MSR1: variants seen among roughly 807,000 people sequenced by gnomAD.
MSR1 encodes macrophage scavenger receptor types I and II.
Under a neutral mutation model 47.2 loss-of-function variants are expected in MSR1, and 53 were observed. The observed-to-expected ratio is 1.12, with a 90% CI of 0.90 to 1.41. The LOEUF (loss-of-function observed/expected upper bound fraction) is 1.41, where lower values mean the gene tolerates loss of function less well. MSR1 is among the 40% of genes most tolerant of loss of function. MSR1 has a pLI of 0.00. For missense variants in MSR1, 786 were observed against 546.9 expected, an observed-to-expected ratio of 1.44 and a Z score of -4.36; for synonymous variants, 239 against 185.6, an observed-to-expected ratio of 1.29 and a Z score of -2.34.
At chr8:16,154,874 G>A (rs1431856321) in intron 6 of MSR1, among the ~76,000 whole-genome samples, 190 bp downstream of exon 6, 1 of 151,488 alleles carries the variant, frequency 6.6e-6, no homozygotes. Flanking sequence ...TATGTGATTA[G>A]GCTACTAGAA....
chr8:16,178,822 T>C (rs977912951), intron 1 of MSR1, among the ~76,000 whole-genome samples: 3 of 152,124 alleles, frequency 2.0e-5, no homozygotes, highest in South Asian at 2.1e-4. Context: ...TGGTATCTCA[T>C]TGTGGTTTGG....
chr8:16,144,311 C>T (rs1004279946), intron 7 of MSR1, among the ~76,000 whole-genome samples: 3 of 151,914 alleles, frequency 2.0e-5, no homozygotes, highest in Non-Finnish European at 4.4e-5. Context: ...TCTTTAGTAC[C>T]AAGAAATCTC....
At chr8:16,166,199 C>G (rs1247073793) in intron 4 of MSR1, among the ~76,000 whole-genome samples, 1 of 132,696 alleles carries the variant, frequency 7.5e-6, no homozygotes, top group African/African-American at 2.9e-5. Context: ...GAGACGGAGT[C>G]TCGCACTGTC....
intron 1 of MSR1, among the ~76,000 whole-genome samples, chr8:16,191,237 A>C (rs1802191497): frequency 1.3e-5 from 2 of 152,214 alleles, no homozygotes; most frequent in South Asian, 4.1e-4. Flanking sequence ...GGAAATATTT[A>C]TATTGTGCCT....
At chr8:16,122,998 C>A (rs1023286993) in intron 8 of MSR1, among the ~76,000 whole-genome samples, 7 of 151,932 alleles carry the variant, frequency 4.6e-5, no homozygotes, top group African/African-American at 1.4e-4. Flanking sequence ...GTGCCTGCCA[C>A]CACGCCCAGC....
intron 1 of MSR1, among the ~76,000 whole-genome samples, chr8:16,190,998 G>A (rs1357147151): frequency 1.3e-5 from 2 of 152,186 alleles, no homozygotes; most frequent in Non-Finnish European, 2.9e-5. Context: ...TGGGATTACA[G>A]GCGTGAGCCA....
chr8:16,120,391 A>C, intron 9 of MSR1, 27 bp downstream of exon 9: 2 of 1,611,764 alleles, frequency 1.2e-6, no homozygotes, highest in Non-Finnish European at 1.7e-6. Flanking sequence ...AACAACAACA[A>C]ACCTCACAAG....
At chr8:16,150,565 G>C (rs1800827624) in intron 6 of MSR1, among the ~76,000 whole-genome samples, 1 of 151,900 alleles carries the variant, frequency 6.6e-6, no homozygotes, top group Admixed American at 6.6e-5. Context: ...AGCACATTAG[G>C]AAAAATAGAT....
rs34762530 is a variant in MSR1 at position 16,155,484 on chromosome 8, T to C, written c.818-340A>G. On this transcript the variant is annotated intron_variant, in intron 5 of 9. Coordinates refer to ENST00000262101, the MANE Select transcript of MSR1 (RefSeq NM_138715.3). ...TAGTGTTGTACGCATCCTAGGCAGT[T>C]AGACATAGAGTTAGATATAATACAG... Among the ~76,000 whole-genome samples, 393 of 152,128 alleles carry C rather than the reference T, an allele frequency of 2.6e-3. 1 individual carries two copies. The highest frequency in any genetic ancestry group is 9.1e-3 in the African/African-American group (377 of 41,548).
chr8:16,110,178 C>T lies in MSR1; in HGVS notation c.1263G>A (p.Gly421=), dbSNP rs979975129. The change falls in exon 10 of 10, where the codon GGG becomes GGA. Residue 421 remains glycine, a synonymous_variant. Coordinates refer to ENST00000262101, the MANE Select transcript of MSR1 (RefSeq NM_138715.3). Reference sequence around the variant, plus strand: ...TACATTCTTCAATAGATGATTCTCTCCCAAAACAAAACACTTCATTCAGCC... The same window carrying T: ...TACATTCTTCAATAGATGATTCTCTTCCAAAACAAAACACTTCATTCAGCC... ...PIWLNEVFCF[G]RESSIEECKI... is the part of the protein sequence containing the mutation. The T allele has an allele frequency of 2.5e-6, 4 of 1,613,660 alleles. No homozygotes were observed. Among genetic ancestry groups the T allele is most frequent in the African/African-American group, 2.7e-5 (2 of 75,030 alleles).
chr8:16,123,820 A>T (rs1411253972), intron 8 of MSR1, among the ~76,000 whole-genome samples: 9 of 152,172 alleles, frequency 5.9e-5, no homozygotes, highest in Non-Finnish European at 1.2e-4. Context: ...CAAGGATAAG[A>T]TTATAGTTAG....
At chr8:16,131,766 G>A (rs114039446) in intron 8 of MSR1, among the ~76,000 whole-genome samples, 2,119 of 151,682 alleles carry the variant, frequency 0.014, 65 homozygotes, top group African/African-American at 0.049. Flanking sequence ...TGTTTTTATC[G>A]GCTTTGTCAA....
In MSR1 at chr8:16,188,131, C is replaced by A. The variant is rs113006440; in HGVS notation, c.-5+4467G>T. ...GAGTTTGTGTAATCTATTAAAAGCA[C>A]GTGCTCATGAGAAGTGAAACACGTT... On this transcript the variant is annotated intron_variant, in intron 1 of 9. Transcript: ENST00000262101. Among the ~76,000 whole-genome samples the A allele has an allele frequency of 7.6e-3, 1,162 of 152,178 alleles. 15 individuals are homozygous for A. Among genetic ancestry groups the A allele is most frequent in the African/African-American group, 0.026 (1,094 of 41,508 alleles).
intron 8 of MSR1, among the ~76,000 whole-genome samples, chr8:16,127,552 G>C (rs1199204315): frequency 6.6e-6 from 1 of 152,130 alleles, no homozygotes; most frequent in Non-Finnish European, 1.5e-5. Context: ...ACAATAGCTT[G>C]TCAAGGGGAA....
intron 5 of MSR1, among the ~76,000 whole-genome samples, chr8:16,156,238 G>C (rs1464664246): frequency 6.6e-6 from 1 of 151,894 alleles, no homozygotes; most frequent in East Asian, 1.9e-4. Context: ...TGCTAGTTTG[G>C]ACACATACAT....
chr8:16,117,788 T>C (rs546040467), intron 9 of MSR1, among the ~76,000 whole-genome samples: 1 of 152,208 alleles, frequency 6.6e-6, no homozygotes, highest in South Asian at 2.1e-4. Context: ...ACCGTCTAGT[T>C]GCAGGAAACC....
chr8:16,185,472 C>A (rs959928834), intron 1 of MSR1, among the ~76,000 whole-genome samples: 5 of 152,110 alleles, frequency 3.3e-5, no homozygotes, highest in Non-Finnish European at 7.3e-5. Flanking sequence ...ATCATACCCA[C>A]TTATTATTAT....
At chr8:16,148,172 A>G (rs1041225393) in intron 7 of MSR1, among the ~76,000 whole-genome samples, 1 of 152,108 alleles carries the variant, frequency 6.6e-6, no homozygotes, top group African/African-American at 2.4e-5. Flanking sequence ...CCATACAGCA[A>G]TTTGTCCAAC....
intron 9 of MSR1, among the ~76,000 whole-genome samples, chr8:16,111,418 G>T (rs555312323): frequency 2.6e-5 from 4 of 152,172 alleles, no homozygotes; most frequent in African/African-American, 9.6e-5. Context: ...TGTGAACCCG[G>T]GCTACTGTGA....
Sources: allele counts gnomAD v4.1 joint callset (sites outside exome capture counted in the v4.1 genomes callset), GRCh38; gene constraint gnomAD v4.1.1; transcripts MANE v1.5; gene names NCBI Gene and HGNC (gene_info 2026-07-23, HGNC 2026-07-21).